The following B3GALT1 variants were observed in gnomAD, a reference collection of about 807,000 sequenced individuals.
The protein encoded by B3GALT1 is UDP-Gal:betaGlcNAc beta 1,3-galactosyltransferase, polypeptide 1.
In B3GALT1, 10 loss-of-function variants were observed where a neutral mutation model predicts 23.2. The observed-to-expected ratio is 0.43, with a 90% CI of 0.27 to 0.73. The LOEUF (loss-of-function observed/expected upper bound fraction) is 0.73. Among genes scored for constraint, B3GALT1 ranks in the 30% least tolerant of loss-of-function variants. The pLI, the probability that B3GALT1 is intolerant of heterozygous loss-of-function variation, is 0.21. For synonymous variants in B3GALT1, 156 were observed against 141.5 expected, an observed-to-expected ratio of 1.10 and a Z score of -0.73; for missense variants, 299 against 405.4, an observed-to-expected ratio of 0.74 and a Z score of 2.25.
At chr2:167,400,303 T>C (rs1698168166) in intron 1 of B3GALT1, among the ~76,000 whole-genome samples, 1 of 152,006 alleles carries the variant, frequency 6.6e-6, no homozygotes, top group Admixed American at 6.6e-5. Context: ...GTGCAATTTT[T>C]TGGTCACATC....
chr2:167,642,328 T>A (rs1187082319), intron 2 of B3GALT1, among the ~76,000 whole-genome samples: 1 of 152,214 alleles, frequency 6.6e-6, no homozygotes. Flanking sequence ...TAGTTTGTAT[T>A]CATGTGCCGT....
intron 1 of B3GALT1, among the ~76,000 whole-genome samples, chr2:167,439,188 T>C (rs1420532240): frequency 6.6e-6 from 1 of 152,236 alleles, no homozygotes; most frequent in Non-Finnish European, 1.5e-5. Context: ...ATAGTAGTGA[T>C]AAATTTAGTA....
intron 3 of B3GALT1, among the ~76,000 whole-genome samples, chr2:167,679,109 T>G (rs1248777037): frequency 1.4e-5 from 2 of 138,532 alleles, no homozygotes; most frequent in African/African-American, 2.5e-5. Context: ...TTTGTTTTTG[T>G]TTTTTTGTTT....
chr2:167,786,704 T>A (rs1052260769), intron 3 of B3GALT1, among the ~76,000 whole-genome samples: 1 of 152,216 alleles, frequency 6.6e-6, no homozygotes, highest in Non-Finnish European at 1.5e-5. Context: ...TTTGATTGCA[T>A]AGAAGTATCT....
Position 167,566,290 on chromosome 2 carries a change from G to C in B3GALT1, c.-410+76013G>C, listed in dbSNP as rs1684165241. 2.0e-5 allele frequency among the ~76,000 whole-genome samples: 3 copies of C among 151,418 alleles called. No individual in the cohort carries two copies. The South Asian group carries it at 6.3e-4, about 32-fold the overall frequency. On this transcript the variant is annotated intron_variant, in intron 2 of 4. Transcript: ENST00000392690. ...ACCGCATGTTCTCACTCATAGATGG[G>C]ACTTGAACAATGAGAACACATGGAC... is the stretch of plus-strand genomic sequence containing the variant.
intron 2 of B3GALT1, among the ~76,000 whole-genome samples, chr2:167,551,284 G>A (rs972002144): frequency 3.3e-5 from 5 of 152,168 alleles, no homozygotes; most frequent in Non-Finnish European, 4.4e-5. Context: ...TAAATAAAAA[G>A]GTGAAGATAA....
At chr2:167,399,476 C>T (rs543058142) in intron 1 of B3GALT1, among the ~76,000 whole-genome samples, 2 of 152,080 alleles carry the variant, frequency 1.3e-5, no homozygotes, top group South Asian at 2.1e-4. Flanking sequence ...ATGGCTTACA[C>T]TCATTCTCTC....
intron 1 of B3GALT1, among the ~76,000 whole-genome samples, chr2:167,352,097 T>A (rs1368354549): frequency 6.6e-6 from 1 of 151,376 alleles, no homozygotes; most frequent in African/African-American, 2.4e-5. Flanking sequence ...GTAGCTGGAA[T>A]TACAGGAGTG....
chr2:167,580,026 A>G (rs1684456905), intron 2 of B3GALT1, among the ~76,000 whole-genome samples: 2 of 152,178 alleles, frequency 1.3e-5, no homozygotes, highest in African/African-American at 2.4e-5. Flanking sequence ...GATGCCAATC[A>G]TTCTTGCATC....
intron 4 of B3GALT1, among the ~76,000 whole-genome samples, chr2:167,841,510 C>T (rs1689648856): frequency 1.3e-5 from 2 of 152,234 alleles, no homozygotes; most frequent in African/African-American, 4.8e-5. Context: ...TATGTGTATA[C>T]TCTTTCACAT....
At chr2:167,467,536 G>A (rs1699367007) in intron 1 of B3GALT1, among the ~76,000 whole-genome samples, 1 of 152,170 alleles carries the variant, frequency 6.6e-6, no homozygotes, top group Admixed American at 6.5e-5. Context: ...GTCAGCCAGA[G>A]TCTGACATGA....
chr2:167,543,818 G>T (rs1401100702), intron 2 of B3GALT1, among the ~76,000 whole-genome samples: 1 of 152,158 alleles, frequency 6.6e-6, no homozygotes, highest in African/African-American at 2.4e-5. Flanking sequence ...TGCTATAAGC[G>T]CATTTGGCTA....
At chr2:167,664,891 A>T (rs1453599821) in intron 3 of B3GALT1, among the ~76,000 whole-genome samples, 1 of 149,842 alleles carries the variant, frequency 6.7e-6, no homozygotes, top group Non-Finnish European at 1.5e-5. Flanking sequence ...CTAGATATAC[A>T]ATCATGTCGT....
rs576721177 is a variant in B3GALT1 at position 167,858,047 on chromosome 2, C to T, written c.-229-10764C>T. On this transcript the variant is annotated intron_variant, in intron 4 of 4. Coordinates refer to ENST00000392690, the MANE Select transcript of B3GALT1 (RefSeq NM_020981.4). ...TGGTATAGCCATTTCAGGCTGTTTT[C>T]GTATACACAGAATGTTAATTATGGC... Among the ~76,000 whole-genome samples the T allele has an allele frequency of 4.3e-4, 65 of 152,146 alleles. 2 individuals carry two copies. In the South Asian group the frequency reaches 0.011, roughly 26 times the overall value.
intron 3 of B3GALT1, among the ~76,000 whole-genome samples, chr2:167,673,848 C>T (rs1686377428): frequency 6.6e-6 from 1 of 152,004 alleles, no homozygotes; most frequent in Non-Finnish European, 1.5e-5. Context: ...GAAATATTTT[C>T]ACAGACCTCT....
At chr2:167,354,126 A>G (rs934384484) in intron 1 of B3GALT1, among the ~76,000 whole-genome samples, 33 of 152,176 alleles carry the variant, frequency 2.2e-4, no homozygotes, top group Non-Finnish European at 1.0e-4. Flanking sequence ...TGATAAGCAC[A>G]TTTTAGAACA....
chr2:167,401,784 C>T (rs1320358156), intron 1 of B3GALT1, among the ~76,000 whole-genome samples: 1 of 152,112 alleles, frequency 6.6e-6, no homozygotes, highest in Non-Finnish European at 1.5e-5. Flanking sequence ...CAGCCAAAAC[C>T]GTGAAGGGAA....
chr2:167,836,756 A>C (rs1689486145), intron 4 of B3GALT1, among the ~76,000 whole-genome samples: 2 of 152,326 alleles, frequency 1.3e-5, no homozygotes, highest in South Asian at 4.1e-4. Context: ...TGAAGGAAAA[A>C]ATTTTAAGGC....
chr2:167,488,575 T>C (rs373620291), intron 1 of B3GALT1, among the ~76,000 whole-genome samples: 22 of 152,334 alleles, frequency 1.4e-4, no homozygotes, highest in South Asian at 1.2e-3. Context: ...CTCGGTCCTA[T>C]TGTTTGTCTG....
Sources: gnomAD v4.1 joint callset for allele counts (sites outside exome capture counted in the v4.1 genomes callset) on GRCh38, gnomAD v4.1.1 for gene constraint, MANE v1.5 for transcripts, NCBI Gene and HGNC (gene_info 2026-07-23, HGNC 2026-07-21) for gene names.